Variants in RTN3 observed in about 807,000 individuals in gnomAD.
The protein encoded by RTN3 is reticulon 3.
RTN3 carries 49 observed loss-of-function variants against 77.8 expected under a neutral mutation model. The ratio of observed to expected loss-of-function variants is 0.63; its 90% CI spans 0.50 to 0.80. The LOEUF is 0.80. RTN3 is among the 30% of genes least tolerant of loss of function. RTN3 has a pLI of 0.00. For missense variants in RTN3, 1,236 were observed against 1,211.9 expected (o/e 1.02, Z -0.29); for synonymous variants, 464 against 446.9 (o/e 1.04, Z -0.48).
intron 3 of RTN3, among the ~76,000 whole-genome samples, chr11:63,744,209 T>C (rs1470902072): frequency 8.8e-6 from 1 of 113,754 alleles, no homozygotes; most frequent in East Asian, 2.9e-4. Context: ...ACCATTGCAC[T>C]CGAGCCTGGC....
At position 63,719,558 on chromosome 11, in the gene RTN3, C is replaced by T. The variant is rs75409661; in HGVS notation, c.1056C>T (p.Thr352=). Reference sequence around the variant, plus strand: ...TGGTTCCCCAAGTGAAACAACAGACCGATAAATCTTCTGACTGCATCACAA... The same window carrying T: ...TGGTTCCCCAAGTGAAACAACAGACTGATAAATCTTCTGACTGCATCACAA... ...WDLVPQVKQQ[T]DKSSDCITKT... Residue 352 remains threonine, a synonymous_variant, in exon 3 of 9, where the codon ACC becomes ACT. Transcript: ENST00000377819. The T allele has an allele frequency of 1.4e-3, 2,321 of 1,614,052 alleles. 1 individual carries two copies. The highest frequency in any genetic ancestry group is 4.0e-3 in the Middle Eastern group (24 of 6,062).
chr11:63,696,313 C>T (rs1047807271), intron 1 of RTN3, among the ~76,000 whole-genome samples: 1 of 151,702 alleles, frequency 6.6e-6, no homozygotes, highest in Non-Finnish European at 1.5e-5. Flanking sequence ...AGGAGAATCA[C>T]TTGAACCTGG....
intron 3 of RTN3, among the ~76,000 whole-genome samples, chr11:63,745,477 C>CTGCA (rs1211351959): frequency 6.6e-6 from 1 of 152,176 alleles, no homozygotes; most frequent in East Asian, 1.9e-4. Flanking sequence ...GGAAGTAGCC[C>CTGCA]TGCACTGAGA....
chr11:63,706,410 C>T (rs1028407119), intron 2 of RTN3, among the ~76,000 whole-genome samples: 3 of 152,112 alleles, frequency 2.0e-5, no homozygotes, highest in African/African-American at 7.2e-5. Flanking sequence ...AGGCTGGTCT[C>T]GAACTCCTCA....
chr11:63,685,088 A>G (rs1941296482), intron 1 of RTN3, among the ~76,000 whole-genome samples: 1 of 152,120 alleles, frequency 6.6e-6, no homozygotes, highest in Non-Finnish European at 1.5e-5. Context: ...ATGCTTATCC[A>G]TTGCAAATGT....
chr11:63,692,470 A>AC (rs1941712466), intron 1 of RTN3, among the ~76,000 whole-genome samples: 1 of 145,564 alleles, frequency 6.9e-6, no homozygotes, highest in Admixed American at 6.9e-5. Flanking sequence ...TTAAAACCTA[A>AC]CCCCCTGGCC....
At chr11:63,753,319 G>C (rs931737869) in intron 6 of RTN3, among the ~76,000 whole-genome samples, 181 bp downstream of exon 6, 3 of 152,202 alleles carry the variant, frequency 2.0e-5, no homozygotes, top group Non-Finnish European at 4.4e-5. Flanking sequence ...AATGGTCTCA[G>C]TTATAAATTA....
chr11:63,690,731 G>GA (rs1451837851), intron 1 of RTN3, among the ~76,000 whole-genome samples: 1 of 152,178 alleles, frequency 6.6e-6, no homozygotes, highest in East Asian at 1.9e-4. Context: ...AAGTTCACCA[G>GA]ATATTTTCCA....
Position 63,719,311 on chromosome 11 carries a change from A to T in RTN3, c.809A>T (p.Asp270Val). ...EFKDSYKEST[D>V]DFGSWSVHTD... is the part of the protein sequence containing the mutation. Reference sequence around the variant, plus strand: ...AAAGACTCATATAAGGAGAGCACAGATGATTTTGGTAGCTGGTCTGTGCAC... The same window carrying T: ...AAAGACTCATATAAGGAGAGCACAGTTGATTTTGGTAGCTGGTCTGTGCAC... The change falls in exon 3 of 9, where the codon GAT (aspartate) becomes GTT (valine). Residue 270 changes from aspartate to valine, a missense_variant. Asp to Val is a radical substitution (Grantham distance 152). Coordinates refer to ENST00000377819, the MANE Select transcript of RTN3 (RefSeq NM_001265589.2). The T allele has an allele frequency of 6.2e-7, 1 of 1,614,212 alleles. No homozygotes were observed.
chr11:63,711,868 A>G (rs2011168731), intron 2 of RTN3, among the ~76,000 whole-genome samples: 2 of 151,816 alleles, frequency 1.3e-5, no homozygotes, highest in African/African-American at 4.8e-5. Flanking sequence ...TGGGCCCTAC[A>G]ATTTTTTATA....
At position 63,707,735 on chromosome 11, in the gene RTN3, G is replaced by A. The variant is rs1942568085; in HGVS notation, c.199+2828G>A. The stretch of plus-strand genomic sequence containing the variant: ...TGTAATCCCAGCTACTCGGGAGGCT[G>A]AGGCAGGAGAATCACTTGAACCCGG... On this transcript the variant is annotated intron_variant, in intron 2 of 8. Coordinates refer to ENST00000377819, the MANE Select transcript of RTN3 (RefSeq NM_001265589.2). Among the ~76,000 whole-genome samples the A allele has an allele frequency of 6.6e-5, 10 of 152,280 alleles. No homozygotes were observed. The South Asian group carries it at 1.9e-3, about 28-fold the overall frequency.
chr11:63,752,530 C>G lies in RTN3; in HGVS notation c.2762C>G (p.Thr921Ser). 6.2e-7 allele frequency: 1 copy of G among 1,613,522 alleles called. No homozygotes were observed. The highest frequency in any genetic ancestry group is 8.5e-7 in the Non-Finnish European group (1 of 1,179,416). ...AGAGCCTACCTGGACGTAGACATTA[C>G]TCTGTCCTCAGAAGCTTTCCATAAT... ...PFKAYLDVDI[T>S]LSSEAFHNYM... The change falls in exon 5 of 9, where the codon ACT becomes AGT. Residue 921 changes from threonine (T) to serine (S), a missense_variant. By Grantham distance (58) the Thr-to-Ser change is moderately conservative. Around this residue, in one of 3 missense-constraint regions of RTN3, gnomAD observed 141 missense variants for 154.9 expected, o/e 0.91. Transcript: ENST00000377819.
intron 3 of RTN3, among the ~76,000 whole-genome samples, chr11:63,732,865 C>G (rs367580855): frequency 1.3e-5 from 2 of 152,110 alleles, no homozygotes; most frequent in African/African-American, 4.8e-5. Flanking sequence ...AAAGACATGG[C>G]AAATACAATT....
At chr11:63,703,416 C>T (rs1004972821) in intron 1 of RTN3, among the ~76,000 whole-genome samples, 4 of 152,018 alleles carry the variant, frequency 2.6e-5, no homozygotes, top group Non-Finnish European at 4.4e-5. Context: ...CTTTAGGGGC[C>T]GTGCTAGTCT....
chr11:63,691,960 AT>A (rs1941681614), intron 1 of RTN3, among the ~76,000 whole-genome samples: 1 of 152,166 alleles, frequency 6.6e-6, no homozygotes, highest in African/African-American at 2.4e-5. Flanking sequence ...AAATGCTGAT[AT>A]CCTCAGAAGA....
rs112607751 is a variant in RTN3 at position 63,708,002 on chromosome 11, G to C, written c.199+3095G>C. Reference sequence around the variant, plus strand: ...TAGAGGTTAGCCTGTTCAGTTGTTTGAAGGAACACCTTGGCAGATGATTAG... The same window carrying C: ...TAGAGGTTAGCCTGTTCAGTTGTTTCAAGGAACACCTTGGCAGATGATTAG... On this transcript the variant is annotated intron_variant, in intron 2 of 8. Transcript: ENST00000377819. 2.6e-3 allele frequency among the ~76,000 whole-genome samples: 403 copies of C among 152,334 alleles called. 4 individuals are homozygous for C. The highest frequency in any genetic ancestry group is 8.4e-3 in the African/African-American group (350 of 41,580).
intron 2 of RTN3, among the ~76,000 whole-genome samples, chr11:63,709,807 G>A (rs7945972): frequency 0.11 from 16,632 of 152,140 alleles, 1,033 homozygotes; most frequent in South Asian, 0.16. Flanking sequence ...AAATGAATAT[G>A]CATAGTATGG....
intron 1 of RTN3, among the ~76,000 whole-genome samples, chr11:63,692,223 A>G (rs1359469500): frequency 6.6e-6 from 1 of 152,002 alleles, no homozygotes; most frequent in Admixed American, 6.6e-5. Context: ...GGATTTCACC[A>G]TGTTGGTCAG....
chr11:63,684,129 G>GTTTTTTTTTTTTTTTTTTTTGT (rs1941229392), intron 1 of RTN3, among the ~76,000 whole-genome samples: 1 of 85,258 alleles, frequency 1.2e-5, no homozygotes, highest in Non-Finnish European at 2.0e-5. Context: ...TTTTCTTTTG[G>GTTTTTTTTTTTTTTTTTTTTGT]TTTTTTTTTT....
Sources: allele counts gnomAD v4.1 joint callset (sites outside exome capture counted in the v4.1 genomes callset), GRCh38; gene constraint gnomAD v4.1.1; regional missense constraint gnomAD v4.1.1; transcripts MANE v1.5; gene names NCBI Gene and HGNC (gene_info 2026-07-23, HGNC 2026-07-21).